ATG7: variants seen among roughly 807,000 people sequenced by gnomAD.
The protein encoded by ATG7 is autophagy related 7.
ATG7 carries 70 observed loss-of-function variants against 82.4 expected under a neutral mutation model. The ratio of observed to expected loss-of-function variants is 0.85; its 90% CI spans 0.70 to 1.04. The LOEUF (loss-of-function observed/expected upper bound fraction) is 1.04, where lower values mean the gene tolerates loss of function less well. Ranked by LOEUF, ATG7 falls within the 50% of genes least tolerant of loss-of-function variation. The pLI is 0.00. For synonymous variants in ATG7, 287 were observed against 313.0 expected, an observed-to-expected ratio of 0.92 and a Z score of 0.88; for missense variants, 792 against 864.3, an observed-to-expected ratio of 0.92 and a Z score of 1.05.
intron 9 of ATG7, among the ~76,000 whole-genome samples, chr3:11,330,356 A>G (rs1317229405): frequency 6.6e-6 from 1 of 152,172 alleles, no homozygotes; most frequent in Non-Finnish European, 1.5e-5. Flanking sequence ...TTCTTTATTT[A>G]TATCAGTGTG....
Position 11,333,644 on chromosome 3 carries a change from G to A in ATG7, c.889+551G>A, listed in dbSNP as rs184870994. Among the ~76,000 whole-genome samples, 730 of 150,746 alleles carry A rather than the reference G, an allele frequency of 4.8e-3. 6 individuals carry two copies. Among genetic ancestry groups the A allele is most frequent in the African/African-American group, 0.017 (698 of 41,028 alleles). ...TAGAGAGATATATGTGTGTGTGTGT[G>A]TATATATATATACACATATATATAT... On this transcript the variant is annotated intron_variant, in intron 11 of 20. Transcript: ENST00000693202.
intron 20 of ATG7, among the ~76,000 whole-genome samples, chr3:11,433,846 A>T (rs989090846): frequency 1.3e-5 from 2 of 152,208 alleles, no homozygotes; most frequent in African/African-American, 4.8e-5. Context: ...GGATTAATGA[A>T]TGATCATCTA....
chr3:11,492,233 C>T lies in ATG7; in HGVS notation c.2080-62578C>T, dbSNP rs929188557. ...GGGAGTGACCCGATTTTCCAGTTGC[C>T]GTCTGTCACCCCTTTCTTTGACTAG... On this transcript the variant is annotated intron_variant, in intron 20 of 20. Coordinates refer to ENST00000693202, the MANE Select transcript of ATG7 (RefSeq NM_001349232.2). Among the ~76,000 whole-genome samples the T allele has an allele frequency of 4.6e-5, 7 of 152,296 alleles. No homozygotes were observed. The East Asian group carries it at 9.7e-4, about 21-fold the overall frequency.
chr3:11,332,782 A>G (rs1187290739), intron 10 of ATG7, 190 bp from the exon 11 acceptor site: 3 of 456,044 alleles, frequency 6.6e-6, no homozygotes, highest in African/African-American at 6.1e-5. Context: ...GCCTCTAAAC[A>G]CTTGGACAGA....
intron 20 of ATG7, among the ~76,000 whole-genome samples, chr3:11,519,628 T>C (rs945451040): frequency 2.9e-5 from 4 of 138,122 alleles, no homozygotes; most frequent in Admixed American, 7.9e-5. Flanking sequence ...GGGGCGATCT[T>C]GGCTCACTGC....
intron 20 of ATG7, among the ~76,000 whole-genome samples, chr3:11,518,830 T>C (rs914049813): frequency 1.3e-5 from 2 of 152,222 alleles, no homozygotes; most frequent in Admixed American, 6.5e-5. Context: ...CAATTATTTC[T>C]GAAAGTATTG....
intron 20 of ATG7, among the ~76,000 whole-genome samples, chr3:11,527,693 T>G (rs1235867841): frequency 6.6e-6 from 1 of 152,234 alleles, no homozygotes; most frequent in African/African-American, 2.4e-5. Flanking sequence ...AATTCTATCC[T>G]AGAAAGGATT....
At chr3:11,393,601 G>A (rs532788310) in intron 19 of ATG7, among the ~76,000 whole-genome samples, 2 of 152,168 alleles carry the variant, frequency 1.3e-5, no homozygotes, top group Non-Finnish European at 2.9e-5. Flanking sequence ...GCCTGCCATG[G>A]TGTTTTAGTC....
intron 20 of ATG7, among the ~76,000 whole-genome samples, chr3:11,516,041 A>C (rs947757536): frequency 5.3e-5 from 8 of 151,676 alleles, no homozygotes; most frequent in Admixed American, 2.0e-4. Context: ...TAAAAAAAAA[A>C]AAAAACAAAA....
downstream of ATG7, among the ~76,000 whole-genome samples, chr3:11,561,619 G>A (rs367713520): frequency 7.4e-4 from 112 of 152,262 alleles, 1 homozygote; most frequent in South Asian, 0.022. Context: ...CCTAGAACGG[G>A]CCCCAGGCCT....
chr3:11,290,791 TCTC>T (rs1275871820), intron 3 of ATG7: 1 of 164,314 alleles, frequency 6.1e-6, no homozygotes. Context: ...TTCAAGCAGT[TCTC>T]CTGCCTCAGC....
intron 19 of ATG7, among the ~76,000 whole-genome samples, chr3:11,395,805 T>C (rs1219816688): frequency 6.6e-6 from 1 of 150,938 alleles, no homozygotes; most frequent in East Asian, 2.0e-4. Flanking sequence ...CCGGGCGTGG[T>C]GGTGGGCGCC....
intron 20 of ATG7, among the ~76,000 whole-genome samples, chr3:11,492,418 C>T (rs909118257): frequency 1.1e-4 from 16 of 152,198 alleles, no homozygotes; most frequent in Non-Finnish European, 1.5e-4. Flanking sequence ...AGAAATCACC[C>T]GTCTTCTGTG....
rs931296084 is a variant in ATG7, at chr3:11,366,457, A to C, written c.1875+1723A>C. On this transcript the variant is annotated intron_variant, in intron 18 of 20. Transcript: ENST00000693202. Reference sequence around the variant, plus strand: ...ACAGAGACATTTCACGTAGGACCCAAAAGACGCGGTAATAACCATCTATCA... The same window carrying C: ...ACAGAGACATTTCACGTAGGACCCACAAGACGCGGTAATAACCATCTATCA... 2.1e-4 allele frequency among the ~76,000 whole-genome samples: 32 copies of C among 152,050 alleles called. 1 individual carries two copies. The highest frequency in any genetic ancestry group is 7.4e-5 in the Non-Finnish European group (5 of 68,024).
intron 20 of ATG7, among the ~76,000 whole-genome samples, chr3:11,548,217 T>G (rs1478465374): frequency 1.3e-5 from 2 of 152,242 alleles, no homozygotes; most frequent in Non-Finnish European, 2.9e-5. Flanking sequence ...TTTCTTTAAT[T>G]TCTTAAAGAT....
chr3:11,538,925 T>C (rs2125014581), intron 20 of ATG7, among the ~76,000 whole-genome samples: 1 of 151,374 alleles, frequency 6.6e-6, no homozygotes, highest in Admixed American at 6.6e-5. Context: ...AATGAGTGAC[T>C]GAAGGAAGGA....
At chr3:11,314,196 A>C (rs1949071595) in intron 8 of ATG7, among the ~76,000 whole-genome samples, 3 of 152,216 alleles carry the variant, frequency 2.0e-5, no homozygotes, top group Non-Finnish European at 4.4e-5. Context: ...TAATAAGTTC[A>C]TTAGAGATGG....
chr3:11,356,264 G>C (rs2075928695), intron 14 of ATG7, among the ~76,000 whole-genome samples: 1 of 152,144 alleles, frequency 6.6e-6, no homozygotes, highest in South Asian at 2.1e-4. Flanking sequence ...ACATTGAACT[G>C]TGCATATGAG....
rs150806260 is a variant in ATG7 at position 11,280,256 on chromosome 3, C to T, written c.-365-738C>T. Reference sequence around the variant, plus strand: ...AGAGACGGGATTTCGCCATGTTGGCCGGGCATGTTATTGGTAAACAATATG... The same window carrying T: ...AGAGACGGGATTTCGCCATGTTGGCTGGGCATGTTATTGGTAAACAATATG... On this transcript the variant is annotated intron_variant, in intron 1 of 20. Coordinates refer to ENST00000693202, the MANE Select transcript of ATG7 (RefSeq NM_001349232.2). Among the ~76,000 whole-genome samples, 735 of 152,004 alleles carry T rather than the reference C, an allele frequency of 4.8e-3. 6 individuals carry two copies. The highest frequency in any genetic ancestry group is 0.017 in the African/African-American group (702 of 41,456).
Sources: allele counts gnomAD v4.1 joint callset (sites outside exome capture counted in the v4.1 genomes callset), GRCh38; gene constraint gnomAD v4.1.1; transcripts MANE v1.5; gene names NCBI Gene and HGNC (gene_info 2026-07-23, HGNC 2026-07-21).